FAM13C: variants seen among roughly 807,000 people sequenced by gnomAD.
The protein encoded by FAM13C is protein FAM13C.
FAM13C carries 37 observed loss-of-function variants against 73.2 expected under a neutral mutation model. The observed-to-expected ratio is 0.51, with a 90% CI of 0.39 to 0.67. FAM13C has a LOEUF of 0.67. Among genes scored for constraint, FAM13C ranks in the 30% least tolerant of loss-of-function variants. The pLI is 0.00. For synonymous variants in FAM13C, 246 were observed against 260.9 expected (o/e 0.94, Z 0.55); for missense variants, 589 against 715.6 (o/e 0.82, Z 2.02).
At chr10:59,326,870 T>C (rs1265482049) in intron 3 of FAM13C, among the ~76,000 whole-genome samples, 1 of 152,190 alleles carries the variant, frequency 6.6e-6, no homozygotes, top group Non-Finnish European at 1.5e-5. Flanking sequence ...TAATATATGA[T>C]TATTGCAATT....
intron 10 of FAM13C, among the ~76,000 whole-genome samples, chr10:59,258,898 C>T (rs1224641808): frequency 6.6e-6 from 1 of 152,114 alleles, no homozygotes; most frequent in East Asian, 1.9e-4. Flanking sequence ...CTCAAAGATG[C>T]TACAGTTGAT....
rs76575478 is a variant in FAM13C, at chr10:59,351,542, G to A, written c.324+728C>T. Among the ~76,000 whole-genome samples the A allele has an allele frequency of 1.5e-3, 222 of 152,170 alleles. 2 individuals are homozygous for A. The highest frequency in any genetic ancestry group is 5.2e-3 in the African/African-American group (214 of 41,510). ...CATACTAGTATGTTTATTCCAGTCC[G>A]CTAAACTTCAGCCTAAAAGAATAGC... is the stretch of plus-strand genomic sequence containing the variant. On this transcript the variant is annotated intron_variant, in intron 3 of 13. Coordinates refer to ENST00000618804, the MANE Select transcript of FAM13C (RefSeq NM_198215.4).
At chr10:59,312,531 G>A (rs1849054092) in intron 4 of FAM13C, among the ~76,000 whole-genome samples, 1 of 152,098 alleles carries the variant, frequency 6.6e-6, no homozygotes, top group Admixed American at 6.5e-5. Flanking sequence ...ATCGTTTAAT[G>A]TCAATCTGAG....
chr10:59,307,236 G>A (rs1003963304), intron 4 of FAM13C, among the ~76,000 whole-genome samples: 1 of 152,092 alleles, frequency 6.6e-6, no homozygotes, highest in African/African-American at 2.4e-5. Flanking sequence ...CAGAGAAGGG[G>A]GGTGAGATAA....
intron 1 of FAM13C, among the ~76,000 whole-genome samples, chr10:59,360,853 G>GA (rs10615623): frequency 0.03 from 1,741 of 57,944 alleles, 127 homozygotes; most frequent in Non-Finnish European, 0.037. Flanking sequence ...AACCTCTACA[G>GA]AAAAAAAAAA....
chr10:59,356,758 G>C (rs1276922664), intron 1 of FAM13C, among the ~76,000 whole-genome samples: 1 of 152,072 alleles, frequency 6.6e-6, no homozygotes, highest in Non-Finnish European at 1.5e-5. Flanking sequence ...GTCATTCCTG[G>C]GTGTGTCTGT....
chr10:59,286,300 A>T (rs779330297), intron 5 of FAM13C, among the ~76,000 whole-genome samples: 9 of 151,864 alleles, frequency 5.9e-5, no homozygotes, highest in Non-Finnish European at 8.8e-5. Flanking sequence ...GGATCACTTG[A>T]GGCCAGGAGG....
Position 59,337,661 on chromosome 10 carries a change from CTTTTTCTTTTT to C in FAM13C, c.325-13566_325-13556del, listed in dbSNP as rs1589671397. ...AGGAACTTTCCATTTTCTTTTTTTT[CTTTTTCTTTTT>C]TTTTTTTTTTTTTTTTTTTTTTTTG... On this transcript the variant is annotated intron_variant, in intron 3 of 13. Transcript: ENST00000618804. Among the ~76,000 whole-genome samples, 5 of 84,392 alleles carry C rather than the reference CTTTTTCTTTTT, an allele frequency of 5.9e-5. No homozygotes were observed. The East Asian group carries it at 1.6e-3, about 27-fold the overall frequency. 55.4% of individuals were successfully genotyped at this position (84,392 alleles called of 152,430 possible). A position where few individuals can be genotyped will look rare whatever the true frequency, so the allele number is the denominator to read the frequency against.
Position 59,362,548 on chromosome 10 carries a change from C to CCGGGCTCGCCCGG in FAM13C, c.-89_-88insCCGGGCGAGCCCG. Reference sequence around the variant, plus strand: ...AAACATGGCATTGCAAGGCAAGTCTCCGGGCTCGCCCGGCACGCTCGCTCT... The same window carrying CCGGGCTCGCCCGG: ...AAACATGGCATTGCAAGGCAAGTCTCCGGGCTCGCCCGGCGGGCTCGCCCGGCACGCTCGCTCT... On this transcript the variant is annotated 5_prime_UTR_variant, in exon 1 of 14. Transcript: ENST00000618804. 3 of 1,559,690 alleles carry CCGGGCTCGCCCGG rather than the reference C, an allele frequency of 1.9e-6. No homozygotes were observed. In the South Asian group the frequency reaches 3.5e-5, roughly 18 times the overall value.
At chr10:59,251,859 A>T (rs1048864419) in intron 12 of FAM13C, among the ~76,000 whole-genome samples, 183 bp from the exon 13 acceptor site, 1 of 152,170 alleles carries the variant, frequency 6.6e-6, no homozygotes, top group Non-Finnish European at 1.5e-5. Flanking sequence ...TAAGCAGGGA[A>T]AATTACCTGA....
chr10:59,314,209 A>G (rs1370528105), intron 4 of FAM13C, among the ~76,000 whole-genome samples: 1 of 152,176 alleles, frequency 6.6e-6, no homozygotes, highest in African/African-American at 2.4e-5. Flanking sequence ...TTGGCAAGCC[A>G]TAGATCAATA....
Position 59,309,985 on chromosome 10 carries a change from C to T in FAM13C, c.444-7121G>A, listed in dbSNP as rs569890074. On this transcript the variant is annotated intron_variant, in intron 4 of 13. Transcript: ENST00000618804. ...TAGCAGAGCCTAGAGGATGGAATGA[C>T]TCTCATTCCCATAACAAATGCATTT... Among the ~76,000 whole-genome samples the T allele has an allele frequency of 2.0e-5, 3 of 152,308 alleles. No homozygotes were observed. In the East Asian group the frequency reaches 5.8e-4, roughly 29 times the overall value.
At chr10:59,356,034 G>C (rs1242368751) in intron 1 of FAM13C, 91 bp from the exon 2 acceptor site, 5 of 1,258,870 alleles carry the variant, frequency 4.0e-6, no homozygotes, top group Non-Finnish European at 5.8e-6. Context: ...GATTACCATG[G>C]AAAACTAAAA....
intron 5 of FAM13C, among the ~76,000 whole-genome samples, chr10:59,302,109 A>G (rs980975391): frequency 6.6e-6 from 1 of 152,228 alleles, no homozygotes; most frequent in Non-Finnish European, 1.5e-5. Flanking sequence ...CAGACGTACT[A>G]AATACCACCT....
At chr10:59,333,931 G>C (rs1026925386) in intron 3 of FAM13C, among the ~76,000 whole-genome samples, 1 of 152,194 alleles carries the variant, frequency 6.6e-6, no homozygotes, top group Non-Finnish European at 1.5e-5. Flanking sequence ...TTTAGAGCAA[G>C]TCCAACTGTT....
intron 5 of FAM13C, among the ~76,000 whole-genome samples, chr10:59,290,591 G>C (rs564151903): frequency 5.9e-5 from 9 of 152,070 alleles, no homozygotes; most frequent in Admixed American, 5.2e-4. Context: ...GTTGTTTCTC[G>C]GCCAAGATCC....
At chr10:59,271,340 T>G (rs933545900) in intron 6 of FAM13C, among the ~76,000 whole-genome samples, 7 of 152,240 alleles carry the variant, frequency 4.6e-5, no homozygotes, top group Non-Finnish European at 7.3e-5. Context: ...GAGCTTGAAA[T>G]GCAATCTGCT....
chr10:59,307,837 C>T (rs769305951), intron 4 of FAM13C, among the ~76,000 whole-genome samples: 9 of 151,502 alleles, frequency 5.9e-5, no homozygotes, highest in Admixed American at 3.3e-4. Flanking sequence ...AAACAGAAGG[C>T]GAGAAAAGAA....
At chr10:59,319,090 C>A (rs960087957) in intron 4 of FAM13C, among the ~76,000 whole-genome samples, 9 of 149,584 alleles carry the variant, frequency 6.0e-5, no homozygotes, top group African/African-American at 2.3e-4. Flanking sequence ...CACACACACA[C>A]ACACACACAC....
Sources: allele counts gnomAD v4.1 joint callset (sites outside exome capture counted in the v4.1 genomes callset), GRCh38; gene constraint gnomAD v4.1.1; transcripts MANE v1.5; gene names NCBI Gene and HGNC (gene_info 2026-07-23, HGNC 2026-07-21).